ITGB6: variants seen among roughly 807,000 people sequenced by gnomAD.
ITGB6 encodes the protein integrin beta-6.
In ITGB6, 80 loss-of-function variants were observed where a neutral mutation model predicts 84.5. That is an observed-to-expected ratio of 0.95 (90% CI 0.79 to 1.14). The LOEUF is 1.14. Ranked by LOEUF, ITGB6 falls within the 50% of genes most tolerant of loss-of-function variation. The pLI is 0.00. For synonymous variants in ITGB6, 383 were observed against 354.9 expected (o/e 1.08, Z -0.89); for missense variants, 1,006 against 968.0 (o/e 1.04, Z -0.52).
intron 11 of ITGB6, 29 bp from the exon 12 acceptor site, chr2:160,123,917 T>G: frequency 1.3e-6 from 2 of 1,513,048 alleles, no homozygotes; most frequent in Non-Finnish European, 9.1e-7. Context: ...AGTGTATCAG[T>G]TCATGCTGGT....
intron 14 of ITGB6, among the ~76,000 whole-genome samples, chr2:160,104,024 G>T (rs1258743155): frequency 3.3e-5 from 5 of 152,212 alleles, no homozygotes; most frequent in African/African-American, 1.2e-4. Flanking sequence ...TAGATATTTA[G>T]TTGAATGTTT....
At chr2:160,135,297 T>C (rs1192583754) in intron 10 of ITGB6, among the ~76,000 whole-genome samples, 1 of 152,124 alleles carries the variant, frequency 6.6e-6, no homozygotes, top group Non-Finnish European at 1.5e-5. Context: ...TGAACTCCCA[T>C]TCACAATTGC....
intron 11 of ITGB6, among the ~76,000 whole-genome samples, chr2:160,125,229 G>A (rs936937482): frequency 6.6e-6 from 1 of 152,118 alleles, no homozygotes; most frequent in Admixed American, 6.5e-5. Flanking sequence ...GCATATAGTA[G>A]GCACTTAATA....
intron 4 of ITGB6, among the ~76,000 whole-genome samples, chr2:160,181,413 C>G (rs1322294061): frequency 6.6e-6 from 1 of 152,234 alleles, no homozygotes; most frequent in Admixed American, 6.5e-5. Context: ...TCGGCAAAGC[C>G]TCTGTAGCCA....
rs377135299 is a variant in ITGB6 at position 160,107,828 on chromosome 2, T to C, written c.2119A>G (p.Asn707Asp). 1 of 1,609,878 alleles carries C rather than the reference T, an allele frequency of 6.2e-7. No individual in the cohort carries two copies. The highest frequency in any genetic ancestry group is 1.3e-5 in the African/African-American group (1 of 74,968). ...ACCCCTAACATGATCATGGGAATGTTTGGAGGCTTCGGACAATCTGCAGAA... is the reference window on the plus strand; with the variant it reads ...ACCCCTAACATGATCATGGGAATGTCTGGAGGCTTCGGACAATCTGCAGAA... ...INEKDCPKPPNIPMIMLGVSL... is the reference protein window; with the variant it reads ...INEKDCPKPPDIPMIMLGVSL... Residue 707 changes from asparagine (N) to aspartate (D), a missense_variant, in exon 14 of 15, where the codon AAC becomes GAC. Asn to Asp is a conservative substitution (Grantham distance 23). Coordinates refer to ENST00000283249, the MANE Select transcript of ITGB6 (RefSeq NM_000888.5).
chr2:160,152,107 A>G (rs1203505885), intron 7 of ITGB6, among the ~76,000 whole-genome samples: 1 of 152,236 alleles, frequency 6.6e-6, no homozygotes, highest in Non-Finnish European at 1.5e-5. Context: ...TGAGGCCAAC[A>G]TCATCCTGAT....
At chr2:160,147,642 A>T (rs1471910184) in intron 7 of ITGB6, among the ~76,000 whole-genome samples, 1 of 152,236 alleles carries the variant, frequency 6.6e-6, no homozygotes, top group Admixed American at 6.5e-5. Flanking sequence ...AGACAAATGT[A>T]ACAGAATAGA....
At chr2:160,132,193 C>T (rs1683496496) in intron 10 of ITGB6, among the ~76,000 whole-genome samples, 1 of 152,006 alleles carries the variant, frequency 6.6e-6, no homozygotes, top group African/African-American at 2.4e-5. Flanking sequence ...CAGATTGTGC[C>T]CCATCTGCAT....
At chr2:160,114,727 G>C (rs1682689289) in intron 12 of ITGB6, among the ~76,000 whole-genome samples, 1 of 152,234 alleles carries the variant, frequency 6.6e-6, no homozygotes, top group Non-Finnish European at 1.5e-5. Flanking sequence ...GGAAGCACAA[G>C]GGGTCAGGGA....
At chr2:160,120,992 AT>A (rs1448293044) in intron 12 of ITGB6, among the ~76,000 whole-genome samples, 1 of 151,124 alleles carries the variant, frequency 6.6e-6, no homozygotes, top group Non-Finnish European at 1.5e-5. Context: ...GCACACCAAC[AT>A]GGCACATGTA....
At chr2:160,195,682 CGCTGGG>C (rs1686308993) in intron 3 of ITGB6, 67 bp from the exon 4 acceptor site, 1 of 1,579,552 alleles carries the variant, frequency 6.3e-7, no homozygotes, top group Non-Finnish European at 8.6e-7. Context: ...ACTGGCCACT[CGCTGGG>C]TCAGCTGGCT....
At chr2:160,177,429 G>A (rs926430195) in intron 4 of ITGB6, among the ~76,000 whole-genome samples, 3 of 151,960 alleles carry the variant, frequency 2.0e-5, no homozygotes, top group Admixed American at 1.3e-4. Flanking sequence ...AAATTAGCCC[G>A]GGGTGGTGGT....
Position 160,126,377 on chromosome 2 carries a change from A to G in ITGB6, c.1883+2T>C. ...AGGAATGGAGAAAAGCAGAGACATT[A>G]CCGTTTAGAGTTACAGGGGTCACCA... On this transcript the variant is annotated splice_donor_variant, in intron 11 of 14. Coordinates refer to ENST00000283249, the MANE Select transcript of ITGB6 (RefSeq NM_000888.5). LOFTEE classifies it high-confidence loss of function. 2 of 1,613,406 alleles carry G rather than the reference A, an allele frequency of 1.2e-6. No homozygotes were observed. The highest frequency in any genetic ancestry group is 1.7e-6 in the Non-Finnish European group (2 of 1,179,308).
At chr2:160,118,703 T>C (rs1247218196) in intron 12 of ITGB6, among the ~76,000 whole-genome samples, 1 of 151,004 alleles carries the variant, frequency 6.6e-6, no homozygotes, top group Non-Finnish European at 1.5e-5. Context: ...GGTATTCAAT[T>C]AGGAAAAGAG....
rs759420531 is a variant in ITGB6 at position 160,184,719 on chromosome 2, G to A, written c.594-10580C>T. ...CAATATCCCTGATGAACATTGACGC[G>A]AAAATCCTCAAGAAAATACTGGCAA... On this transcript the variant is annotated intron_variant, in intron 4 of 14. Transcript: ENST00000283249. 3.9e-5 allele frequency among the ~76,000 whole-genome samples: 6 copies of A among 152,142 alleles called. No individual in the cohort carries two copies. In the South Asian group the frequency reaches 6.2e-4, roughly 16 times the overall value.
intron 13 of ITGB6, among the ~76,000 whole-genome samples, 186 bp downstream of exon 13, chr2:160,111,894 A>G (rs561304547): frequency 1.3e-5 from 2 of 152,232 alleles, no homozygotes; most frequent in South Asian, 2.1e-4. Flanking sequence ...TCTGGTCTTA[A>G]TAAGAGACAC....
At chr2:160,133,733 A>G (rs1319178487) in intron 10 of ITGB6, among the ~76,000 whole-genome samples, 1 of 152,218 alleles carries the variant, frequency 6.6e-6, no homozygotes. Context: ...ATCAAACTAG[A>G]ACTCAGGATT....
At chr2:160,120,411 G>T (rs1195794657) in intron 12 of ITGB6, among the ~76,000 whole-genome samples, 1 of 48,180 alleles carries the variant, frequency 2.1e-5, no homozygotes, top group Non-Finnish European at 4.2e-5. Context: ...GTAAACTATC[G>T]CAAGAACAAA....
intron 7 of ITGB6, among the ~76,000 whole-genome samples, chr2:160,156,424 T>A (rs1299545237): frequency 6.6e-6 from 1 of 152,178 alleles, no homozygotes; most frequent in Non-Finnish European, 1.5e-5. Context: ...AAGCACCTCC[T>A]GCATCCTCTG....
Sources: gnomAD v4.1 joint callset for allele counts (sites outside exome capture counted in the v4.1 genomes callset) on GRCh38, gnomAD v4.1.1 for gene constraint, MANE v1.5 for transcripts, NCBI Gene and HGNC (gene_info 2026-07-23, HGNC 2026-07-21) for gene names.